The following CDK5RAP2 variants were observed in gnomAD, a reference collection of about 807,000 sequenced individuals.
The protein encoded by CDK5RAP2 is CDK5 regulatory subunit associated protein 2.
CDK5RAP2 carries 147 observed loss-of-function variants against 232.9 expected under a neutral mutation model. The observed-to-expected ratio is 0.63, with a 90% CI of 0.55 to 0.72. The LOEUF (loss-of-function observed/expected upper bound fraction) is 0.72, where lower values mean the gene tolerates loss of function less well. Among genes scored for constraint, CDK5RAP2 ranks in the 30% least tolerant of loss-of-function variants. The pLI, the probability that CDK5RAP2 is intolerant of heterozygous loss-of-function variation, is 0.00. For synonymous variants in CDK5RAP2, 833 were observed against 833.7 expected (o/e 1.00, Z 0.01); for missense variants, 2,195 against 2,231.5 (o/e 0.98, Z 0.33).
intron 36 of CDK5RAP2, among the ~76,000 whole-genome samples, chr9:120,391,206 G>A (rs1226877472): frequency 1.3e-5 from 2 of 152,174 alleles, no homozygotes; most frequent in African/African-American, 4.8e-5. Context: ...GAAGATGATT[G>A]TGAAAGAGCA....
Position 120,471,772 on chromosome 9 carries a change from T to C in CDK5RAP2, c.1834A>G (p.Ile612Val). The change falls in exon 16 of 38, where the codon ATC (isoleucine) becomes GTC (valine). Residue 612 changes from isoleucine (I) to valine (V), a missense_variant. Ile to Val is a conservative substitution (Grantham distance 29). Coordinates refer to ENST00000349780, the MANE Select transcript of CDK5RAP2 (RefSeq NM_018249.6). ...CCTTCCCGCCTCCGAATTTCGCTGA[T>C]CTGCTCCTCCAAGGTCTTCCGCAAA... ...QNLRKTLEEQ[I>V]SEIRRREEES... 1 of 1,614,166 alleles carries C rather than the reference T, an allele frequency of 6.2e-7. No individual in the cohort carries two copies. Among genetic ancestry groups the C allele is most frequent in the South Asian group, 1.1e-5 (1 of 91,090 alleles).
intron 7 of CDK5RAP2, among the ~76,000 whole-genome samples, chr9:120,533,179 ATTTT>A (rs1052721379): frequency 6.6e-6 from 1 of 151,920 alleles, no homozygotes; most frequent in Non-Finnish European, 1.5e-5. Context: ...CACGACATAT[ATTTT>A]TTTTAACATC....
At chr9:120,428,801 C>A (rs1224467229) in intron 25 of CDK5RAP2, among the ~76,000 whole-genome samples, 1 of 152,040 alleles carries the variant, frequency 6.6e-6, no homozygotes, top group Non-Finnish European at 1.5e-5. Context: ...AGAGACACAG[C>A]CAAAAAAGAG....
At chr9:120,463,582 G>A (rs1406815230) in intron 18 of CDK5RAP2, among the ~76,000 whole-genome samples, 1 of 152,190 alleles carries the variant, frequency 6.6e-6, no homozygotes, top group Non-Finnish European at 1.5e-5. Context: ...GCACGGAGAA[G>A]CTCCTCCCAG....
chr9:120,517,784 G>A lies in CDK5RAP2; in HGVS notation c.1311+643C>T, dbSNP rs545616230. On this transcript the variant is annotated intron_variant, in intron 12 of 37. Coordinates refer to ENST00000349780, the MANE Select transcript of CDK5RAP2 (RefSeq NM_018249.6). ...CTATCAGGAACAATCAGTGAGGTGG[G>A]CATGGTGGCATGTGCCTATAATCCC... 12 of 264,894 alleles carry A rather than the reference G, an allele frequency of 4.5e-5. No individual in the cohort carries two copies. The East Asian group carries it at 1.1e-3, about 25-fold the overall frequency. The allele number at this position is 264,894 out of a possible 1,614,324, so 16.4% of individuals were successfully genotyped here.
At chr9:120,560,733 T>G (rs1401030976) in intron 3 of CDK5RAP2, among the ~76,000 whole-genome samples, 1 of 152,128 alleles carries the variant, frequency 6.6e-6, no homozygotes, top group Non-Finnish European at 1.5e-5. Context: ...TCTCCTGCCT[T>G]AGCCTCCCAA....
intron 11 of CDK5RAP2, among the ~76,000 whole-genome samples, chr9:120,519,580 C>G (rs576854304): frequency 2.6e-5 from 4 of 152,222 alleles, no homozygotes; most frequent in Non-Finnish European, 5.9e-5. Context: ...CGCAATCCTA[C>G]ACAAAAAATA....
At chr9:120,486,044 G>C (rs2038582716) in intron 14 of CDK5RAP2, among the ~76,000 whole-genome samples, 1 of 152,226 alleles carries the variant, frequency 6.6e-6, no homozygotes, top group South Asian at 2.1e-4. Flanking sequence ...ACAGTGGCTA[G>C]CATTGGTTGC....
chr9:120,497,172 C>T (rs1344452112), intron 12 of CDK5RAP2, among the ~76,000 whole-genome samples: 4 of 130,814 alleles, frequency 3.1e-5, no homozygotes, highest in East Asian at 2.5e-4. Flanking sequence ...GGATTAAGGG[C>T]GGTGCAAGAT....
chr9:120,573,525 G>A (rs2042927163), intron 1 of CDK5RAP2, among the ~76,000 whole-genome samples: 1 of 151,124 alleles, frequency 6.6e-6, no homozygotes, highest in Non-Finnish European at 1.5e-5. Flanking sequence ...CTCAAGCCTG[G>A]GTGATAGAGT....
chr9:120,518,130 C>T (rs551596198), intron 12 of CDK5RAP2, among the ~76,000 whole-genome samples: 3 of 142,972 alleles, frequency 2.1e-5, no homozygotes, highest in South Asian at 2.4e-4. Context: ...TAAAAAAGCA[C>T]GATACAAAAC....
intron 3 of CDK5RAP2, among the ~76,000 whole-genome samples, chr9:120,556,592 C>G (rs2132094111): frequency 6.6e-6 from 1 of 152,100 alleles, no homozygotes; most frequent in Non-Finnish European, 1.5e-5. Flanking sequence ...CCACGCCCAT[C>G]TAATTTTTTT....
At chr9:120,471,550 C>G (rs1180719365) in intron 16 of CDK5RAP2, among the ~76,000 whole-genome samples, 198 bp downstream of exon 16, 1 of 152,184 alleles carries the variant, frequency 6.6e-6, no homozygotes, top group South Asian at 2.1e-4. Flanking sequence ...TGCACCTGAC[C>G]TTCTGCAGAA....
intron 31 of CDK5RAP2, 39 bp from the exon 32 acceptor site, chr9:120,407,287 C>A (rs752105137): frequency 1.8e-5 from 26 of 1,480,528 alleles, no homozygotes; most frequent in Non-Finnish European, 2.2e-5. Flanking sequence ...ACATCTTCCA[C>A]AACCAAAGGG....
intron 6 of CDK5RAP2, among the ~76,000 whole-genome samples, chr9:120,536,978 GA>G (rs879745635): frequency 1.6e-3 from 175 of 106,108 alleles, no homozygotes; most frequent in Middle Eastern, 5.4e-3. Context: ...ATTCAGTTGG[GA>G]AAAAAAAAAA....
At chr9:120,578,008 G>A (rs770465102) in intron 1 of CDK5RAP2, among the ~76,000 whole-genome samples, 2 of 152,176 alleles carry the variant, frequency 1.3e-5, no homozygotes, top group Non-Finnish European at 2.9e-5. Flanking sequence ...GGTGGCTCAC[G>A]CCTGTAATCC....
At chr9:120,413,866 G>A (rs539748090) in intron 28 of CDK5RAP2, among the ~76,000 whole-genome samples, 13 of 151,656 alleles carry the variant, frequency 8.6e-5, no homozygotes, top group East Asian at 2.0e-4. Context: ...GGGAGAGGGC[G>A]AGATGGAGCC....
chr9:120,429,078 T>C (rs1293370872), intron 25 of CDK5RAP2, among the ~76,000 whole-genome samples: 6 of 152,186 alleles, frequency 3.9e-5, no homozygotes, highest in South Asian at 2.1e-4. Context: ...TAAAAACTCT[T>C]AATAAATTAG....
At chr9:120,538,027 A>G (rs1171176225) in intron 6 of CDK5RAP2, among the ~76,000 whole-genome samples, 4 of 152,242 alleles carry the variant, frequency 2.6e-5, no homozygotes, top group Admixed American at 2.6e-4. Flanking sequence ...CCAGTAAGTT[A>G]GATCTCATAA....
Sources: gnomAD v4.1 joint callset for allele counts (sites outside exome capture counted in the v4.1 genomes callset) on GRCh38, gnomAD v4.1.1 for gene constraint, MANE v1.5 for transcripts, NCBI Gene and HGNC (gene_info 2026-07-23, HGNC 2026-07-21) for gene names.